Variants in RASSF8 observed in about 807,000 individuals in gnomAD.
The protein encoded by RASSF8 is Ras association domain family member 8, also known as ras association domain-containing protein 8.
In RASSF8, 22 loss-of-function variants were observed where a neutral mutation model predicts 48.5. That is an observed-to-expected ratio of 0.45 (90% CI 0.32 to 0.65). The LOEUF is 0.65. Ranked by LOEUF, RASSF8 falls within the 30% of genes least tolerant of loss-of-function variation. The pLI, the probability that RASSF8 is intolerant of heterozygous loss-of-function variation, is 0.03. For synonymous variants in RASSF8, 127 were observed against 171.5 expected (o/e 0.74, Z 2.03); for missense variants, 418 against 489.2 (o/e 0.85, Z 1.37).
intron 5 of RASSF8, among the ~76,000 whole-genome samples, chr12:26,078,378 C>G (rs1475369082): frequency 6.6e-6 from 1 of 152,146 alleles, no homozygotes; most frequent in Non-Finnish European, 1.5e-5. Context: ...GCAGGCCATG[C>G]AGAAATGAAA....
At chr12:26,041,755 C>G (rs956676608) in intron 2 of RASSF8, among the ~76,000 whole-genome samples, 2 of 151,938 alleles carry the variant, frequency 1.3e-5, no homozygotes, top group Non-Finnish European at 2.9e-5. Context: ...CAATATGACA[C>G]GAATTTGTAT....
chr12:26,002,296 G>A (rs1479442097), intron 2 of RASSF8, among the ~76,000 whole-genome samples: 2 of 151,954 alleles, frequency 1.3e-5, no homozygotes, highest in African/African-American at 4.8e-5. Flanking sequence ...AGTCGGGCTT[G>A]GTAGCAGGTG....
At chr12:26,076,031 A>C (rs1944068768), downstream of RASSF8, among the ~76,000 whole-genome samples, 1 of 152,180 alleles carries the variant, frequency 6.6e-6, no homozygotes, top group Admixed American at 6.5e-5. Context: ...GAGGCAAAGT[A>C]GATTACCTTG....
rs531850672 is a variant in RASSF8 at position 26,044,988 on chromosome 12, T to C, written c.-108-10248T>C. ...ATTTGGCTACACTGAAAGATACCTG[T>C]TACTTTGAAATATCACCAAAGGATG... On this transcript the variant is annotated intron_variant, in intron 2 of 5. Coordinates refer to ENST00000689635, the MANE Select transcript of RASSF8 (RefSeq NM_001394098.1). 5.3e-5 allele frequency among the ~76,000 whole-genome samples: 8 copies of C among 152,336 alleles called. No individual in the cohort carries two copies. In the South Asian group the frequency reaches 1.7e-3, roughly 32 times the overall value.
At chr12:25,991,508 G>C (rs923905846) in intron 1 of RASSF8, among the ~76,000 whole-genome samples, 1 of 151,852 alleles carries the variant, frequency 6.6e-6, no homozygotes. Context: ...TCTTTAATAA[G>C]GTTGCAACCT....
At chr12:25,967,840 A>G (rs1218290643) in intron 1 of RASSF8, among the ~76,000 whole-genome samples, 1 of 152,212 alleles carries the variant, frequency 6.6e-6, no homozygotes, top group Admixed American at 6.5e-5. Flanking sequence ...CAGTCTATCC[A>G]GGCAAGTAGC....
chr12:26,076,113 G>A (rs1944069706), downstream of RASSF8, among the ~76,000 whole-genome samples: 1 of 152,048 alleles, frequency 6.6e-6, no homozygotes, highest in Admixed American at 6.6e-5. Flanking sequence ...TCAGGTATTT[G>A]GGGGGCATCT....
In RASSF8 at chr12:25,987,313, A is replaced by T. The variant is rs1226629028; in HGVS notation, c.-202-7724A>T. Among the ~76,000 whole-genome samples the T allele has an allele frequency of 2.6e-5, 4 of 152,304 alleles. No homozygotes were observed. In the East Asian group the frequency reaches 7.7e-4, roughly 29 times the overall value. On this transcript the variant is annotated intron_variant, in intron 1 of 5. Transcript: ENST00000689635. ...ATGAACTGACCAAAATCCACAGTAC[A>T]TCTTGTGAGCTATGCGGTCATGCCT... is the stretch of plus-strand genomic sequence containing the variant.
intron 5 of RASSF8, 86 bp from the exon 6 acceptor site, chr12:26,068,611 G>T: frequency 9.3e-7 from 1 of 1,071,376 alleles, no homozygotes; most frequent in Non-Finnish European, 1.4e-6. Context: ...TTTCCCTTTT[G>T]GGGTAGGAAG....
chr12:26,001,172 C>A (rs963075986), intron 2 of RASSF8, among the ~76,000 whole-genome samples: 6 of 148,696 alleles, frequency 4.0e-5, no homozygotes, highest in Non-Finnish European at 8.9e-5. Context: ...TTTAAAAGTG[C>A]ATTCCATCAT....
At chr12:25,974,595 G>A (rs1941562257) in intron 1 of RASSF8, among the ~76,000 whole-genome samples, 1 of 151,548 alleles carries the variant, frequency 6.6e-6, no homozygotes, top group South Asian at 2.1e-4. Flanking sequence ...ATTTCCTAAT[G>A]TAGAATCTGA....
intron 2 of RASSF8, among the ~76,000 whole-genome samples, chr12:25,996,672 A>G (rs1381747317): frequency 6.6e-6 from 1 of 152,200 alleles, no homozygotes; most frequent in Non-Finnish European, 1.5e-5. Flanking sequence ...TCCTTGACTT[A>G]CAGTACAAAG....
At chr12:25,966,462 G>A (rs1361904223) in intron 1 of RASSF8, among the ~76,000 whole-genome samples, 1 of 152,074 alleles carries the variant, frequency 6.6e-6, no homozygotes, top group Non-Finnish European at 1.5e-5. Flanking sequence ...CTCCCACCTT[G>A]GCCTCCCGGT....
intron 1 of RASSF8, among the ~76,000 whole-genome samples, chr12:25,961,430 A>G (rs977812205): frequency 2.0e-5 from 3 of 152,168 alleles, no homozygotes; most frequent in African/African-American, 7.2e-5. Context: ...TATAACGTTT[A>G]TTTACTCTTC....
chr12:25,989,430 A>G (rs902192826), intron 1 of RASSF8, among the ~76,000 whole-genome samples: 1 of 151,992 alleles, frequency 6.6e-6, no homozygotes, highest in Non-Finnish European at 1.5e-5. Flanking sequence ...ATGATAGAAG[A>G]CACCTAAATA....
intron 2 of RASSF8, among the ~76,000 whole-genome samples, chr12:26,002,350 T>C (rs1394679131): frequency 6.6e-6 from 1 of 152,098 alleles, no homozygotes; most frequent in African/African-American, 2.4e-5. Context: ...GGAGAATCGC[T>C]TGAACCCAGA....
chr12:25,976,919 T>A (rs563983128), intron 1 of RASSF8, among the ~76,000 whole-genome samples: 12 of 152,276 alleles, frequency 7.9e-5, no homozygotes, highest in African/African-American at 2.4e-4. Context: ...AAGTTGTGAA[T>A]TTAGCCTATA....
chr12:26,050,100 T>C (rs1260503584), intron 2 of RASSF8, among the ~76,000 whole-genome samples: 1 of 152,200 alleles, frequency 6.6e-6, no homozygotes. Context: ...TAATTCTTAA[T>C]AGAAGGATCA....
At chr12:26,015,155 T>G (rs1316854507) in intron 2 of RASSF8, among the ~76,000 whole-genome samples, 1 of 150,680 alleles carries the variant, frequency 6.6e-6, no homozygotes, top group Non-Finnish European at 1.5e-5. Flanking sequence ...TTCAGTGAGC[T>G]GAGATCGTGC....
Sources: gnomAD v4.1 joint callset for allele counts (sites outside exome capture counted in the v4.1 genomes callset) on GRCh38, gnomAD v4.1.1 for gene constraint, MANE v1.5 for transcripts, NCBI Gene and HGNC (gene_info 2026-07-23, HGNC 2026-07-21) for gene names.